Variants in XKR4 observed in about 807,000 individuals in gnomAD.
XKR4 encodes the protein XK-related protein 4.
In XKR4, 12 loss-of-function variants were observed where a neutral mutation model predicts 53.9. The observed-to-expected ratio is 0.22, with a 90% CI of 0.14 to 0.36. XKR4 has a LOEUF of 0.36. XKR4 is among the 10% of genes least tolerant of loss of function. XKR4 has a pLI of 1.00. For missense variants in XKR4, 799 were observed against 859.5 expected, an observed-to-expected ratio of 0.93 and a Z score of 0.88; for synonymous variants, 354 against 362.4, an observed-to-expected ratio of 0.98 and a Z score of 0.26.
chr8:55,334,302 T>G (rs1803423118), intron 1 of XKR4, among the ~76,000 whole-genome samples: 1 of 152,152 alleles, frequency 6.6e-6, no homozygotes, highest in Non-Finnish European at 1.5e-5. Flanking sequence ...TGGAAGTCCT[T>G]AGCATGTCTG....
Position 55,330,758 on chromosome 8 carries a change from G to A in XKR4, c.807-26920G>A, listed in dbSNP as rs945654232. 7.2e-5 allele frequency among the ~76,000 whole-genome samples: 11 copies of A among 152,168 alleles called. No individual in the cohort carries two copies. The East Asian group carries it at 1.2e-3, about 16-fold the overall frequency. ...CTCATTCCCTTCCTCCCCAGAAGTC[G>A]TGAGTGTTCATGGCATGAAGTACTT... On this transcript the variant is annotated intron_variant, in intron 1 of 2. Transcript: ENST00000327381.
chr8:55,213,112 G>A lies in XKR4; in HGVS notation c.806+109818G>A, dbSNP rs374266982. On this transcript the variant is annotated intron_variant, in intron 1 of 2. Coordinates refer to ENST00000327381, the MANE Select transcript of XKR4 (RefSeq NM_052898.2). ...TTAACCATAAACGTCTAGAAGCTAGGAATGCCTAACTTTCTGAGAATGCAG... is the reference window on the plus strand; with the variant it reads ...TTAACCATAAACGTCTAGAAGCTAGAAATGCCTAACTTTCTGAGAATGCAG... Among the ~76,000 whole-genome samples the A allele has an allele frequency of 3.2e-4, 49 of 152,268 alleles. No homozygotes were observed. In the East Asian group the frequency reaches 6.2e-3, roughly 19 times the overall value.
At chr8:55,407,592 T>C (rs1202073793) in intron 2 of XKR4, among the ~76,000 whole-genome samples, 5 of 152,022 alleles carry the variant, frequency 3.3e-5, no homozygotes, top group East Asian at 1.9e-4. Flanking sequence ...CAACATCGGC[T>C]CCACCGGCTC....
At chr8:55,193,565 G>C (rs993725770) in intron 1 of XKR4, among the ~76,000 whole-genome samples, 1 of 152,172 alleles carries the variant, frequency 6.6e-6, no homozygotes, top group African/African-American at 2.4e-5. Context: ...GGGTCCATGC[G>C]CCTGTGCTCA....
At chr8:55,384,527 G>A (rs768105620) in intron 2 of XKR4, among the ~76,000 whole-genome samples, 9 of 152,150 alleles carry the variant, frequency 5.9e-5, no homozygotes, top group East Asian at 1.9e-4. Flanking sequence ...ATAGCCAAAC[G>A]TTAGATTGAG....
intron 2 of XKR4, among the ~76,000 whole-genome samples, chr8:55,374,496 G>A (rs1804118913): frequency 6.6e-6 from 1 of 152,178 alleles, no homozygotes; most frequent in Non-Finnish European, 1.5e-5. Flanking sequence ...GACAACCTAG[G>A]GAGAGCTCAT....
intron 1 of XKR4, among the ~76,000 whole-genome samples, chr8:55,140,880 A>C (rs1312306288): frequency 3.3e-5 from 5 of 152,242 alleles, no homozygotes; most frequent in African/African-American, 1.2e-4. Context: ...AGGCTGTCTG[A>C]GAGACCTTTC....
intron 1 of XKR4, among the ~76,000 whole-genome samples, chr8:55,221,796 G>A (rs2129365452): frequency 6.6e-6 from 1 of 152,296 alleles, no homozygotes; most frequent in Non-Finnish European, 1.5e-5. Flanking sequence ...CACCGGACAA[G>A]CTTTCCTCTG....
chr8:55,510,805 TG>T (rs1429967670), intron 2 of XKR4, among the ~76,000 whole-genome samples: 1 of 152,174 alleles, frequency 6.6e-6, no homozygotes, highest in Non-Finnish European at 1.5e-5. Flanking sequence ...AGAGACAGCA[TG>T]TAAAGGAGCA....
chr8:55,473,840 C>T (rs923420640), intron 2 of XKR4, among the ~76,000 whole-genome samples: 2 of 151,242 alleles, frequency 1.3e-5, no homozygotes, highest in African/African-American at 2.4e-5. Flanking sequence ...CTTTTCTTTT[C>T]TTTTTCTTCC....
chr8:55,184,553 G>A (rs149851418), intron 1 of XKR4, among the ~76,000 whole-genome samples: 1 of 152,278 alleles, frequency 6.6e-6, no homozygotes, highest in Non-Finnish European at 1.5e-5. Context: ...TGGAAGTTGT[G>A]TATTTTTCTG....
In XKR4 at chr8:55,275,678, A is replaced by G. The variant is rs145273585; in HGVS notation, c.807-82000A>G. ...TTGTTATTTCAAGAAGATATTGCCT[A>G]TACTCCTCATTAATTTCTTCTTGAA... On this transcript the variant is annotated intron_variant, in intron 1 of 2. Transcript: ENST00000327381. Among the ~76,000 whole-genome samples the G allele has an allele frequency of 2.1e-3, 325 of 152,340 alleles. 1 individual carries two copies. The highest frequency in any genetic ancestry group is 7.5e-3 in the African/African-American group (310 of 41,574).
At chr8:55,432,511 C>T (rs1027995586) in intron 2 of XKR4, among the ~76,000 whole-genome samples, 6 of 152,172 alleles carry the variant, frequency 3.9e-5, no homozygotes, top group Non-Finnish European at 8.8e-5. Flanking sequence ...TAGAAAAAGA[C>T]AGATAGTGAG....
At chr8:55,153,757 A>C (rs999763820) in intron 1 of XKR4, among the ~76,000 whole-genome samples, 1 of 152,220 alleles carries the variant, frequency 6.6e-6, no homozygotes, top group African/African-American at 2.4e-5. Flanking sequence ...ACAGAGATCA[A>C]GTGCTTGGTA....
intron 2 of XKR4, among the ~76,000 whole-genome samples, chr8:55,406,938 G>A (rs1389449119): frequency 6.6e-6 from 1 of 152,176 alleles, no homozygotes; most frequent in African/African-American, 2.4e-5. Context: ...TACATTGTTG[G>A]AACTATCCAA....
intron 2 of XKR4, among the ~76,000 whole-genome samples, chr8:55,511,249 A>G (rs1255893389): frequency 2.0e-5 from 3 of 152,206 alleles, no homozygotes; most frequent in African/African-American, 7.2e-5. Flanking sequence ...AACCAATTCT[A>G]TATTCAAGAT....
At chr8:55,113,935 T>C (rs1050175442) in intron 1 of XKR4, among the ~76,000 whole-genome samples, 1 of 152,232 alleles carries the variant, frequency 6.6e-6, no homozygotes, top group Non-Finnish European at 1.5e-5. Context: ...TAGTATTCCA[T>C]GGCATCTATG....
chr8:55,461,253 C>G (rs558196011), intron 2 of XKR4, among the ~76,000 whole-genome samples: 1 of 152,322 alleles, frequency 6.6e-6, no homozygotes, highest in South Asian at 2.1e-4. Flanking sequence ...CCTCACAAAG[C>G]CAGGTACTCC....
chr8:55,417,382 G>A (rs1585563547), intron 2 of XKR4, among the ~76,000 whole-genome samples: 2 of 152,288 alleles, frequency 1.3e-5, no homozygotes, highest in South Asian at 4.1e-4. Flanking sequence ...GTTCACACAA[G>A]TCTATTCAAA....
Sources: allele counts gnomAD v4.1 joint callset (sites outside exome capture counted in the v4.1 genomes callset), GRCh38; gene constraint gnomAD v4.1.1; transcripts MANE v1.5; gene names NCBI Gene and HGNC (gene_info 2026-07-23, HGNC 2026-07-21).